The following GUCY1A2 variants were observed in gnomAD, a reference collection of about 807,000 sequenced individuals.
The protein encoded by GUCY1A2 is guanylate cyclase 1 soluble subunit alpha 2, also known as guanylate cyclase soluble subunit alpha-2.
In GUCY1A2, 27 loss-of-function variants were observed where a neutral mutation model predicts 63.5. The ratio of observed to expected loss-of-function variants is 0.43; its 90% CI spans 0.31 to 0.59. GUCY1A2 has a LOEUF of 0.59. Ranked by LOEUF, GUCY1A2 falls within the 20% of genes least tolerant of loss-of-function variation. The pLI is 0.11. For missense variants in GUCY1A2, 768 were observed against 913.3 expected (o/e 0.84, Z 2.05); for synonymous variants, 364 against 343.5 (o/e 1.06, Z -0.66).
chr11:106,974,180 G>A (rs754239452), intron 3 of GUCY1A2, among the ~76,000 whole-genome samples: 22 of 152,088 alleles, frequency 1.4e-4, no homozygotes, highest in Non-Finnish European at 1.3e-4. Flanking sequence ...TACTTTTAAT[G>A]AAAGAGGAAA....
At chr11:106,822,380 AG>A (rs1463775992) in intron 4 of GUCY1A2, among the ~76,000 whole-genome samples, 43 of 152,066 alleles carry the variant, frequency 2.8e-4, no homozygotes, top group African/African-American at 9.4e-4. Context: ...CTTTTATTTT[AG>A]GTCCAAGGAG....
chr11:106,859,334 T>A (rs571392754), intron 4 of GUCY1A2, among the ~76,000 whole-genome samples: 2 of 152,014 alleles, frequency 1.3e-5, no homozygotes, highest in Non-Finnish European at 2.9e-5. Context: ...CAGGGGATAA[T>A]AGACATTGTC....
intron 4 of GUCY1A2, among the ~76,000 whole-genome samples, chr11:106,862,131 GGTTTAGAACACT>G (rs1356187746): frequency 6.6e-6 from 1 of 151,844 alleles, no homozygotes; most frequent in Non-Finnish European, 1.5e-5. Flanking sequence ...CCCACTAATA[GGTTTAGAACACT>G]GTTTTCTTCA....
intron 4 of GUCY1A2, among the ~76,000 whole-genome samples, chr11:106,881,265 C>T (rs1021949440): frequency 6.6e-6 from 1 of 152,022 alleles, no homozygotes; most frequent in South Asian, 2.1e-4. Context: ...ATTAGCCACA[C>T]TCCAAATGTT....
chr11:106,981,009 T>C (rs192575077), intron 2 of GUCY1A2, among the ~76,000 whole-genome samples: 139 of 152,334 alleles, frequency 9.1e-4, no homozygotes, highest in Non-Finnish European at 1.7e-3. Flanking sequence ...GCAATATTTT[T>C]AGGATTAAAT....
intron 4 of GUCY1A2, among the ~76,000 whole-genome samples, chr11:106,865,293 A>G (rs953675138): frequency 6.6e-6 from 1 of 151,758 alleles, no homozygotes; most frequent in African/African-American, 2.4e-5. Flanking sequence ...TTTCTTCTTT[A>G]TTAGTCTGAC....
At chr11:107,004,036 ATGGG>A (rs1324021363) in intron 1 of GUCY1A2, among the ~76,000 whole-genome samples, 1 of 152,210 alleles carries the variant, frequency 6.6e-6, no homozygotes, top group Non-Finnish European at 1.5e-5. Context: ...AATCATGGGA[ATGGG>A]GCATGACTTT....
chr11:106,906,739 T>C (rs1860212189), intron 4 of GUCY1A2, among the ~76,000 whole-genome samples: 1 of 152,142 alleles, frequency 6.6e-6, no homozygotes, highest in Non-Finnish European at 1.5e-5. Context: ...AGATACACCA[T>C]GGAATACTAT....
chr11:107,000,422 C>G (rs1012495885), intron 1 of GUCY1A2, among the ~76,000 whole-genome samples: 20 of 152,152 alleles, frequency 1.3e-4, no homozygotes, highest in Middle Eastern at 3.2e-3. Context: ...CCATTACAAC[C>G]CAATCATCTC....
intron 4 of GUCY1A2, among the ~76,000 whole-genome samples, chr11:106,919,261 A>G (rs2119894516): frequency 6.6e-6 from 1 of 152,296 alleles, no homozygotes; most frequent in Admixed American, 6.5e-5. Flanking sequence ...AAAGGCTACA[A>G]ACTTTTTCAG....
intron 6 of GUCY1A2, among the ~76,000 whole-genome samples, chr11:106,755,324 G>GT (rs1005904831): frequency 6.6e-5 from 10 of 151,430 alleles, no homozygotes; most frequent in East Asian, 3.9e-4. Flanking sequence ...TTTTTGAAGG[G>GT]TTTTTTTTGT....
intron 3 of GUCY1A2, among the ~76,000 whole-genome samples, chr11:106,969,223 G>A (rs899073320): frequency 2.8e-4 from 42 of 152,090 alleles, no homozygotes; most frequent in Admixed American, 2.4e-3. Context: ...TAGAAATGCT[G>A]TCAAAAGTAC....
At chr11:106,920,766 A>G (rs552263482) in intron 4 of GUCY1A2, among the ~76,000 whole-genome samples, 35 of 152,296 alleles carry the variant, frequency 2.3e-4, no homozygotes, top group African/African-American at 8.4e-4. Context: ...TTTCTTTCAC[A>G]GTACTGAATA....
chr11:106,939,658 G>A lies in GUCY1A2; in HGVS notation c.1008C>T (p.Ser336=), dbSNP rs1327358321. The A allele has an allele frequency of 1.9e-6, 3 of 1,613,928 alleles. No individual in the cohort carries two copies. The highest frequency in any genetic ancestry group is 2.2e-5 in the East Asian group (1 of 44,870). ...CTTCCCCCAACTGAAGGACTGACATGCTGGGATCAAACATCAAGTGGAAAG... is the reference window on the plus strand; with the variant it reads ...CTTCCCCCAACTGAAGGACTGACATACTGGGATCAAACATCAAGTGGAAAG... ...AFPFHLMFDP[S]MSVLQLGEGL... Residue 336 remains serine, a synonymous_variant, in exon 4 of 8, where the codon AGC becomes AGT. Transcript: ENST00000526355.
chr11:106,695,555 A>G lies in GUCY1A2; in HGVS notation c.1992-7799T>C, dbSNP rs1327735793. ...GTTGTAAAGTTCCTGAATTTTTCCT[A>G]TTTACCTTCTTCTTTCTACTTGAGT... On this transcript the variant is annotated intron_variant, in intron 7 of 7. Transcript: ENST00000526355. 3.3e-5 allele frequency among the ~76,000 whole-genome samples: 5 copies of G among 152,120 alleles called. No individual in the cohort carries two copies. The East Asian group carries it at 9.6e-4, about 29-fold the overall frequency.
At chr11:106,872,933 C>G (rs564701039) in intron 4 of GUCY1A2, among the ~76,000 whole-genome samples, 10 of 152,092 alleles carry the variant, frequency 6.6e-5, no homozygotes, top group African/African-American at 2.2e-4. Flanking sequence ...CTCCCACCCC[C>G]GAAGAGGCCC....
Position 106,686,744 on chromosome 11 carries a change from C to T in GUCY1A2, c.*805G>A, listed in dbSNP as rs984164304. The stretch of plus-strand genomic sequence containing the variant: ...CTTTCTTTAATCTTGGTTACAGATA[C>T]ATCTGGTGTTAGGAAATTCCATTTC... On this transcript the variant is annotated 3_prime_UTR_variant, in exon 8 of 8. Coordinates refer to ENST00000526355, the MANE Select transcript of GUCY1A2 (RefSeq NM_000855.3). 3 of 202,352 alleles carry T rather than the reference C, an allele frequency of 1.5e-5. No individual in the cohort carries two copies. Among genetic ancestry groups the T allele is most frequent in the Non-Finnish European group, 3.0e-5 (3 of 98,416 alleles). 12.5% of individuals were successfully genotyped at this position (202,352 alleles called of 1,614,324 possible).
chr11:106,990,130 C>G (rs1421959690), intron 1 of GUCY1A2, among the ~76,000 whole-genome samples: 3 of 152,142 alleles, frequency 2.0e-5, no homozygotes, highest in African/African-American at 7.2e-5. Flanking sequence ...ATAGTGGCCT[C>G]CTAGTGTCCC....
intron 4 of GUCY1A2, among the ~76,000 whole-genome samples, chr11:106,878,109 T>C (rs1047697407): frequency 6.6e-6 from 1 of 151,972 alleles, no homozygotes. Context: ...GAATGGCTAT[T>C]ATTAAAAAGT....
Sources: gnomAD v4.1 joint callset for allele counts (sites outside exome capture counted in the v4.1 genomes callset) on GRCh38, gnomAD v4.1.1 for gene constraint, MANE v1.5 for transcripts, NCBI Gene and HGNC (gene_info 2026-07-23, HGNC 2026-07-21) for gene names.